ITGA9: variants seen among roughly 807,000 people sequenced by gnomAD.
The protein encoded by ITGA9 is integrin alpha-9.
ITGA9 carries 56 observed loss-of-function variants against 127.8 expected under a neutral mutation model. The ratio of observed to expected loss-of-function variants is 0.44; its 90% confidence interval spans 0.35 to 0.55. The LOEUF is 0.55. Ranked by LOEUF, ITGA9 falls within the 20% of genes least tolerant of loss-of-function variation. The pLI, the probability that ITGA9 is intolerant of heterozygous loss-of-function variation, is 0.00. For synonymous variants in ITGA9, 508 were observed against 514.5 expected (o/e 0.99, Z 0.17); for missense variants, 1,196 against 1,347.1 (o/e 0.89, Z 1.76).
intron 22 of ITGA9, chr3:37,748,525 A>G (rs1575219574): frequency 2.0e-6 from 1 of 491,736 alleles, no homozygotes; most frequent in Non-Finnish European, 3.8e-6. Context: ...AGGCAGGCGG[A>G]TCACCTGAGG....
chr3:37,725,974 C>T (rs1490305301), intron 18 of ITGA9, among the ~76,000 whole-genome samples: 1 of 152,212 alleles, frequency 6.6e-6, no homozygotes, highest in South Asian at 2.1e-4. Flanking sequence ...AACTTTATGG[C>T]TCAAGCCCGA....
intron 15 of ITGA9, among the ~76,000 whole-genome samples, chr3:37,550,614 T>C (rs556789806): frequency 1.3e-5 from 2 of 152,374 alleles, no homozygotes; most frequent in African/African-American, 4.8e-5. Flanking sequence ...GTATTTCCAA[T>C]AGCTCTAAAT....
rs907972796 is a variant in ITGA9, at chr3:37,747,986, T to C, written c.2434-2476T>C. On this transcript the variant is annotated intron_variant, in intron 22 of 27. Transcript: ENST00000264741. ...AAACATGCCTGCCTCCCAAGGCTTA[T>C]TTTACTTAGCATAATGACCTCCAGT... 2.4e-4 allele frequency: 62 copies of C among 261,476 alleles called. 1 individual carries two copies. Among genetic ancestry groups the C allele is most frequent in the Middle Eastern group, 1.4e-3 (1 of 728 alleles). 16.2% of individuals were successfully genotyped at this position (261,476 alleles called of 1,614,324 possible). A position where few individuals can be genotyped will look rare whatever the true frequency, so the allele number is the denominator to read the frequency against.
intron 18 of ITGA9, among the ~76,000 whole-genome samples, chr3:37,723,663 G>A (rs1701215488): frequency 6.6e-6 from 1 of 152,296 alleles, no homozygotes; most frequent in South Asian, 2.1e-4. Context: ...TGCCCTGCCA[G>A]TTATTTTTCA....
chr3:37,469,071 A>G (rs143211976), intron 1 of ITGA9, among the ~76,000 whole-genome samples: 171 of 152,320 alleles, frequency 1.1e-3, no homozygotes, highest in African/African-American at 3.1e-3. Flanking sequence ...ACTGTAGGTC[A>G]GAATTATTTT....
At chr3:37,516,950 T>G (rs1252196175) in intron 9 of ITGA9, among the ~76,000 whole-genome samples, 1 of 152,150 alleles carries the variant, frequency 6.6e-6, no homozygotes, top group Non-Finnish European at 1.5e-5. Context: ...GCATGAATAA[T>G]AGGCACAGTG....
intron 16 of ITGA9, among the ~76,000 whole-genome samples, chr3:37,634,890 AG>A (rs777641221): frequency 4.5e-4 from 69 of 152,342 alleles, no homozygotes; most frequent in Admixed American, 1.1e-3. Context: ...TGAAATATCA[AG>A]TATCTTTTCT....
At chr3:37,650,972 A>G (rs1171336417) in intron 16 of ITGA9, among the ~76,000 whole-genome samples, 1 of 152,110 alleles carries the variant, frequency 6.6e-6, no homozygotes, top group East Asian at 1.9e-4. Context: ...AGAAAAGTCA[A>G]TTTTCTTAAT....
At chr3:37,490,208 C>G (rs1454784295) in intron 4 of ITGA9, among the ~76,000 whole-genome samples, 1 of 152,126 alleles carries the variant, frequency 6.6e-6, no homozygotes, top group East Asian at 1.9e-4. Flanking sequence ...GGGAACAGAT[C>G]TGAACTACTG....
intron 13 of ITGA9, among the ~76,000 whole-genome samples, chr3:37,530,525 T>C (rs1699139166): frequency 6.6e-6 from 1 of 152,122 alleles, no homozygotes; most frequent in African/African-American, 2.4e-5. Context: ...GCCCCAGGGC[T>C]GGCTTAGTAA....
At chr3:37,530,107 A>G (rs556401950) in intron 13 of ITGA9, among the ~76,000 whole-genome samples, 3 of 152,284 alleles carry the variant, frequency 2.0e-5, no homozygotes, top group African/African-American at 7.2e-5. Flanking sequence ...CCCCTAAGAG[A>G]GGAAGCAAGG....
intron 27 of ITGA9, among the ~76,000 whole-genome samples, chr3:37,811,179 G>A (rs1429715016): frequency 6.6e-6 from 1 of 152,198 alleles, no homozygotes; most frequent in Non-Finnish European, 1.5e-5. Context: ...CTTTATGTGC[G>A]AGGATTACAG....
chr3:37,670,699 A>T (rs1456683091), intron 17 of ITGA9, among the ~76,000 whole-genome samples: 5 of 152,160 alleles, frequency 3.3e-5, no homozygotes, highest in Non-Finnish European at 7.4e-5. Context: ...CTTTTTATTT[A>T]ATATGTTTTT....
intron 26 of ITGA9, among the ~76,000 whole-genome samples, chr3:37,788,989 C>A (rs1434528264): frequency 1.3e-5 from 2 of 152,086 alleles, no homozygotes; most frequent in Non-Finnish European, 2.9e-5. Flanking sequence ...GATGATTATT[C>A]CATACTTAAA....
intron 22 of ITGA9, 107 bp downstream of exon 22, chr3:37,744,141 G>T (rs1696472486): frequency 3.8e-6 from 3 of 794,444 alleles, no homozygotes. Flanking sequence ...CCCTTCTGTG[G>T]TTGGCTGGTG....
At chr3:37,735,043 G>A (rs1011619595) in intron 19 of ITGA9, among the ~76,000 whole-genome samples, 1 of 152,156 alleles carries the variant, frequency 6.6e-6, no homozygotes, top group Non-Finnish European at 1.5e-5. Flanking sequence ...AACCCTGAGG[G>A]TCCTCAGGCT....
chr3:37,805,768 G>C (rs1697287839), intron 27 of ITGA9: 2 of 151,810 alleles, frequency 1.3e-5, no homozygotes, highest in South Asian at 4.2e-4. Context: ...GTTCAAGCAA[G>C]TCTCCTGCCT....
chr3:37,532,820 G>A (rs1252106034), intron 13 of ITGA9, among the ~76,000 whole-genome samples: 1 of 152,228 alleles, frequency 6.6e-6, no homozygotes, highest in African/African-American at 2.4e-5. Flanking sequence ...ATTGGTGGAG[G>A]TAAATGATGC....
At chr3:37,535,075 T>C (rs533397653) in intron 14 of ITGA9, among the ~76,000 whole-genome samples, 1 of 152,360 alleles carries the variant, frequency 6.6e-6, no homozygotes, top group East Asian at 1.9e-4. Context: ...TGAGAACTAT[T>C]CTAGAACTCT....
Sources: allele counts gnomAD v4.1 joint callset (sites outside exome capture counted in the v4.1 genomes callset), GRCh38; gene constraint gnomAD v4.1.1; transcripts MANE v1.5; gene names NCBI Gene and HGNC (gene_info 2026-07-23, HGNC 2026-07-21).